The following CARMIL1 variants were observed in gnomAD, a reference collection of about 807,000 sequenced individuals.
CARMIL1 encodes F-actin-uncapping protein LRRC16A.
Under a neutral mutation model 177.1 loss-of-function variants are expected in CARMIL1, and 90 were observed. The ratio of observed to expected loss-of-function variants is 0.51; its 90% CI spans 0.43 to 0.61. The LOEUF is 0.61. CARMIL1 is among the 20% of genes least tolerant of loss of function. CARMIL1 has a pLI of 0.00. For missense variants in CARMIL1, 1,380 were observed against 1,667.0 expected (o/e 0.83, Z 3.00); for synonymous variants, 577 against 606.2 (o/e 0.95, Z 0.71).
chr6:25,342,047 A>G (rs1397108715), intron 2 of CARMIL1, among the ~76,000 whole-genome samples: 2 of 152,216 alleles, frequency 1.3e-5, no homozygotes, highest in African/African-American at 4.8e-5. Context: ...CTAGTTGTTG[A>G]AAGCTGCAGT....
At chr6:25,426,651 AGGTTAGG>A in intron 4 of CARMIL1, 91 bp downstream of exon 4, 3 of 1,163,388 alleles carry the variant, frequency 2.6e-6, no homozygotes, top group South Asian at 3.2e-5. Flanking sequence ...TGGATAAACA[AGGTTAGG>A]GAAGATGAAA....
At chr6:25,576,443 C>A (rs1812594784) in intron 29 of CARMIL1, among the ~76,000 whole-genome samples, 1 of 152,166 alleles carries the variant, frequency 6.6e-6, no homozygotes, top group Non-Finnish European at 1.5e-5. Flanking sequence ...GAATTCAAAG[C>A]TGCTGCTCCT....
intron 2 of CARMIL1, among the ~76,000 whole-genome samples, chr6:25,361,578 G>T (rs926106599): frequency 6.6e-6 from 1 of 152,160 alleles, no homozygotes; most frequent in African/African-American, 2.4e-5. Context: ...TTTGTATCCT[G>T]CTAAAGGAAT....
At chr6:25,392,297 C>A (rs988129054) in intron 2 of CARMIL1, among the ~76,000 whole-genome samples, 2 of 152,066 alleles carry the variant, frequency 1.3e-5, no homozygotes, top group African/African-American at 2.4e-5. Context: ...TAGTGAGAGA[C>A]CTGCCTTATA....
At chr6:25,480,846 G>A in intron 11 of CARMIL1, among the ~76,000 whole-genome samples, 1 of 149,422 alleles carries the variant, frequency 6.7e-6, no homozygotes. Context: ...TCAGCCTCCG[G>A]AGTAGTTGGA....
chr6:25,400,945 G>GA (rs1793834984), intron 2 of CARMIL1, among the ~76,000 whole-genome samples: 1 of 152,066 alleles, frequency 6.6e-6, no homozygotes, highest in Non-Finnish European at 1.5e-5. Flanking sequence ...CCATCCTTAA[G>GA]AAATTTTTCT....
intron 2 of CARMIL1, among the ~76,000 whole-genome samples, chr6:25,410,283 G>A (rs1230219347): frequency 6.6e-6 from 1 of 152,172 alleles, no homozygotes; most frequent in Non-Finnish European, 1.5e-5. Flanking sequence ...ACACAGACAA[G>A]TTGAAATGAT....
chr6:25,502,021 A>G (rs983388372), intron 17 of CARMIL1, among the ~76,000 whole-genome samples: 1 of 151,326 alleles, frequency 6.6e-6, no homozygotes, highest in Non-Finnish European at 1.5e-5. Flanking sequence ...AACCCAAACA[A>G]TAGAACTCTA....
intron 32 of CARMIL1, among the ~76,000 whole-genome samples, chr6:25,597,966 T>C (rs969051544): frequency 2.2e-4 from 34 of 152,214 alleles, no homozygotes; most frequent in African/African-American, 7.7e-4. Context: ...AATCTGATGT[T>C]GACTTGAGTC....
At chr6:25,306,189 C>T (rs888676722) in intron 2 of CARMIL1, among the ~76,000 whole-genome samples, 4 of 151,908 alleles carry the variant, frequency 2.6e-5, no homozygotes, top group East Asian at 3.9e-4. Flanking sequence ...TTATATAATA[C>T]GTGGCCTTTT....
intron 2 of CARMIL1, among the ~76,000 whole-genome samples, chr6:25,380,129 G>A (rs1791383701): frequency 6.6e-6 from 1 of 152,154 alleles, no homozygotes; most frequent in Non-Finnish European, 1.5e-5. Context: ...TTGTGAGGAT[G>A]TAAATAAAGC....
At chr6:25,566,185 G>A (rs1469012874) in intron 29 of CARMIL1, among the ~76,000 whole-genome samples, 1 of 152,082 alleles carries the variant, frequency 6.6e-6, no homozygotes, top group South Asian at 2.1e-4. Flanking sequence ...GCAGTCAATC[G>A]ATCCCCTATT....
At chr6:25,494,729 C>G (rs919610328) in intron 15 of CARMIL1, among the ~76,000 whole-genome samples, 2 of 152,164 alleles carry the variant, frequency 1.3e-5, no homozygotes, top group Non-Finnish European at 2.9e-5. Flanking sequence ...TTGCCAAATG[C>G]AGATATTGAT....
At chr6:25,499,492 C>G (rs1047865435) in intron 16 of CARMIL1, among the ~76,000 whole-genome samples, 1 of 152,192 alleles carries the variant, frequency 6.6e-6, no homozygotes, top group African/African-American at 2.4e-5. Flanking sequence ...ACTGACTTGT[C>G]AAAGTGGATC....
At chr6:25,510,999 AAAG>A (rs1255764386) in intron 20 of CARMIL1, among the ~76,000 whole-genome samples, 1 of 152,190 alleles carries the variant, frequency 6.6e-6, no homozygotes, top group Non-Finnish European at 1.5e-5. Context: ...TAATAGATAA[AAAG>A]AAGTATAAAT....
intron 31 of CARMIL1, among the ~76,000 whole-genome samples, chr6:25,584,616 G>A (rs1208629521): frequency 6.6e-6 from 1 of 151,966 alleles, no homozygotes; most frequent in Non-Finnish European, 1.5e-5. Context: ...GTTTGATGAA[G>A]TGGATAGTTA....
rs760490782 is a variant in CARMIL1 at position 25,326,986 on chromosome 6, G to A, written c.138+42077G>A. On this transcript the variant is annotated intron_variant, in intron 2 of 36. Coordinates refer to ENST00000329474, the MANE Select transcript of CARMIL1 (RefSeq NM_017640.6). This position sits in a 1 kb window ranked among gnomAD's most constrained non-coding sequence, Gnocchi z 4.2. ...CTTTTGAACACATTGCGTTTGGAGTGTTCATGAAATGTCCAAGTGAAGATG... is the reference window on the plus strand; with the variant it reads ...CTTTTGAACACATTGCGTTTGGAGTATTCATGAAATGTCCAAGTGAAGATG... Among the ~76,000 whole-genome samples the A allele has an allele frequency of 1.3e-5, 2 of 152,076 alleles. No homozygotes were observed. The highest frequency in any genetic ancestry group is 4.8e-5 in the African/African-American group (2 of 41,376).
chr6:25,486,742 C>T (rs1431390499), intron 12 of CARMIL1, among the ~76,000 whole-genome samples: 4 of 152,138 alleles, frequency 2.6e-5, no homozygotes, highest in African/African-American at 9.7e-5. Flanking sequence ...ATAATTATTG[C>T]CTCACTGGGT....
At chr6:25,519,242 C>G (rs2151073329) in intron 22 of CARMIL1, among the ~76,000 whole-genome samples, 1 of 152,322 alleles carries the variant, frequency 6.6e-6, no homozygotes, top group East Asian at 1.9e-4. Flanking sequence ...TAAAACAAGG[C>G]AGCTACTGTG....
Sources: gnomAD v4.1 joint callset for allele counts (sites outside exome capture counted in the v4.1 genomes callset) on GRCh38, gnomAD v4.1.1 for gene constraint, Gnocchi (gnomAD v3.1) non-coding constraint, MANE v1.5 for transcripts, NCBI Gene and HGNC (gene_info 2026-07-23, HGNC 2026-07-21) for gene names.